Variants in EBF1 observed in about 807,000 individuals in gnomAD.
EBF1 encodes the protein transcription factor COE1.
Under a neutral mutation model 68.4 loss-of-function variants are expected in EBF1, and 10 were observed. The ratio of observed to expected loss-of-function variants is 0.15; its 90% confidence interval spans 0.09 to 0.25. EBF1 has a LOEUF of 0.25. Ranked by LOEUF, EBF1 falls within the 10% of genes least tolerant of loss-of-function variation. The probability of loss-of-function intolerance (pLI) is 1.00; values close to 1 mark genes in which losing one functional copy is unlikely to be tolerated. For missense variants in EBF1, 509 were observed against 794.4 expected, an observed-to-expected ratio of 0.64 and a Z score of 4.32; for synonymous variants, 298 against 299.8, an observed-to-expected ratio of 0.99 and a Z score of 0.06.
At chr5:158,892,425 G>T (rs1210264076) in intron 6 of EBF1, among the ~76,000 whole-genome samples, 1 of 152,082 alleles carries the variant, frequency 6.6e-6, no homozygotes, top group Non-Finnish European at 1.5e-5. Context: ...GGAGGCGGAG[G>T]CTTCAGGGAG....
At chr5:158,742,352 TTGACAGGATATATG>T (rs1299757484) in intron 10 of EBF1, among the ~76,000 whole-genome samples, 51 of 152,338 alleles carry the variant, frequency 3.3e-4, no homozygotes, top group African/African-American at 1.1e-3. Flanking sequence ...GGCTACATAA[TTGACAGGATATATG>T]TTCCTTTTGG....
intron 6 of EBF1, among the ~76,000 whole-genome samples, chr5:158,962,735 A>G (rs1407752798): frequency 2.6e-5 from 4 of 152,206 alleles, no homozygotes; most frequent in African/African-American, 7.2e-5. Context: ...TCTGAGAGCA[A>G]GGTATAAATC....
At chr5:159,075,867 A>G (rs926709846) in intron 5 of EBF1, among the ~76,000 whole-genome samples, 5 of 152,062 alleles carry the variant, frequency 3.3e-5, no homozygotes, top group Non-Finnish European at 4.4e-5. Flanking sequence ...GCCCTGTTCA[A>G]TCTGACCTCA....
At chr5:158,988,493 T>G (rs1467980485) in intron 6 of EBF1, among the ~76,000 whole-genome samples, 1 of 152,204 alleles carries the variant, frequency 6.6e-6, no homozygotes, top group Non-Finnish European at 1.5e-5. Context: ...CTCCTCTCAC[T>G]TCTAAGCTCT....
chr5:158,816,547 G>A (rs1562010637), intron 8 of EBF1, among the ~76,000 whole-genome samples: 1 of 152,214 alleles, frequency 6.6e-6, no homozygotes, highest in Non-Finnish European at 1.5e-5. Flanking sequence ...TGTGGCTCAG[G>A]CATTGCCCCT....
chr5:158,777,378 G>C (rs1213235712), intron 10 of EBF1, 35 bp downstream of exon 10: 4 of 1,565,284 alleles, frequency 2.6e-6, no homozygotes, highest in Admixed American at 1.8e-5. Flanking sequence ...CAAGACCACG[G>C]CAGTTCTGTG....
intron 8 of EBF1, among the ~76,000 whole-genome samples, chr5:158,817,352 G>A (rs560997751): frequency 3.9e-5 from 6 of 152,126 alleles, no homozygotes; most frequent in Middle Eastern, 3.4e-3. Flanking sequence ...ACAGTATTAC[G>A]AGGTAGGACC....
intron 10 of EBF1, among the ~76,000 whole-genome samples, chr5:158,744,844 G>T (rs538071323): frequency 6.6e-6 from 1 of 152,142 alleles, no homozygotes; most frequent in Non-Finnish European, 1.5e-5. Context: ...TTTAGATTTG[G>T]TTAATTCCTG....
intron 6 of EBF1, among the ~76,000 whole-genome samples, chr5:159,006,979 C>G (rs1005498887): frequency 2.0e-5 from 3 of 152,270 alleles, no homozygotes; most frequent in African/African-American, 7.2e-5. Flanking sequence ...CCTATTAATG[C>G]AACACTTAAC....
chr5:158,737,036 C>A (rs1326347056), intron 10 of EBF1, among the ~76,000 whole-genome samples: 1 of 152,142 alleles, frequency 6.6e-6, no homozygotes, highest in Non-Finnish European at 1.5e-5. Context: ...AAACCCAACA[C>A]CAAATTCCTT....
intron 6 of EBF1, among the ~76,000 whole-genome samples, chr5:158,905,529 G>A (rs1022519881): frequency 1.2e-4 from 19 of 152,114 alleles, no homozygotes; most frequent in African/African-American, 4.3e-4. Context: ...ATTTACTTCA[G>A]GGAAATCTTG....
intron 10 of EBF1, among the ~76,000 whole-genome samples, chr5:158,744,611 C>G (rs1282380389): frequency 1.3e-5 from 2 of 152,164 alleles, no homozygotes; most frequent in African/African-American, 4.8e-5. Context: ...CACTCTATAA[C>G]TCCCAGTAAA....
chr5:158,875,307 G>A (rs1241647674), intron 6 of EBF1, among the ~76,000 whole-genome samples: 1 of 152,200 alleles, frequency 6.6e-6, no homozygotes, highest in Non-Finnish European at 1.5e-5. Context: ...CTGAACTTCT[G>A]CAGATAATTC....
chr5:159,021,451 C>A (rs1316223912), intron 6 of EBF1, among the ~76,000 whole-genome samples: 2 of 152,224 alleles, frequency 1.3e-5, no homozygotes, highest in African/African-American at 2.4e-5. Flanking sequence ...CCAAACAGAA[C>A]AACCACCTCG....
intron 9 of EBF1, among the ~76,000 whole-genome samples, chr5:158,788,431 G>T (rs906609840): frequency 6.6e-6 from 1 of 152,170 alleles, no homozygotes. Context: ...CAGCTAACAA[G>T]TCAATGGAAT....
At chr5:158,750,208 C>A (rs1488619388) in intron 10 of EBF1, among the ~76,000 whole-genome samples, 1 of 152,042 alleles carries the variant, frequency 6.6e-6, no homozygotes, top group East Asian at 1.9e-4. Context: ...AAGCACCTAC[C>A]ATTATAATAT....
At chr5:158,929,741 G>T (rs539398935) in intron 6 of EBF1, among the ~76,000 whole-genome samples, 1 of 152,208 alleles carries the variant, frequency 6.6e-6, no homozygotes, top group Non-Finnish European at 1.5e-5. Context: ...TGATCAATAA[G>T]TGCAAAAGAT....
At chr5:158,874,315 T>C (rs749582770) in intron 6 of EBF1, among the ~76,000 whole-genome samples, 13 of 152,190 alleles carry the variant, frequency 8.5e-5, no homozygotes, top group Non-Finnish European at 1.3e-4. Context: ...TATGTTCCTA[T>C]AGCATGTTCC....
intron 10 of EBF1, among the ~76,000 whole-genome samples, chr5:158,745,480 TA>T (rs1011810860): frequency 5.7e-4 from 87 of 152,312 alleles, no homozygotes; most frequent in African/African-American, 2.0e-3. Context: ...CTAAGCCAGG[TA>T]CACAGAAGAC....
Sources: gnomAD v4.1 joint callset for allele counts (sites outside exome capture counted in the v4.1 genomes callset) on GRCh38, gnomAD v4.1.1 for gene constraint, MANE v1.5 for transcripts, NCBI Gene and HGNC (gene_info 2026-07-23, HGNC 2026-07-21) for gene names.